The following CDH18 variants were observed in gnomAD, a reference collection of about 807,000 sequenced individuals.
CDH18 encodes the protein cadherin-18.
CDH18 carries 31 observed loss-of-function variants against 67.9 expected under a neutral mutation model. That is an observed-to-expected ratio of 0.46 (90% CI 0.34 to 0.62). The LOEUF (loss-of-function observed/expected upper bound fraction) is 0.62. CDH18 is among the 20% of genes least tolerant of loss of function. The pLI is 0.01. For synonymous variants in CDH18, 362 were observed against 347.2 expected (o/e 1.04, Z -0.48); for missense variants, 890 against 975.5 (o/e 0.91, Z 1.17).
At chr5:20,190,223 A>C (rs1481662369) in intron 2 of CDH18, among the ~76,000 whole-genome samples, 1 of 152,092 alleles carries the variant, frequency 6.6e-6, no homozygotes, top group African/African-American at 2.4e-5. Context: ...GCGTGTGGGC[A>C]TCGTCCTCAA....
chr5:20,289,706 T>C (rs1350861507), intron 1 of CDH18, among the ~76,000 whole-genome samples: 10 of 152,002 alleles, frequency 6.6e-5, no homozygotes, highest in South Asian at 6.2e-4. Flanking sequence ...TATTAAAATA[T>C]ATATTTTAAT....
At chr5:19,961,739 T>A (rs775337119) in intron 2 of CDH18, among the ~76,000 whole-genome samples, 1 of 152,232 alleles carries the variant, frequency 6.6e-6, no homozygotes, top group African/African-American at 2.4e-5. Flanking sequence ...CTCTTAATTT[T>A]AATGTTTCGA....
chr5:20,432,964 A>G (rs947514211), intron 1 of CDH18, among the ~76,000 whole-genome samples: 3 of 148,884 alleles, frequency 2.0e-5, no homozygotes, highest in Non-Finnish European at 4.4e-5. Context: ...TGTATATTTT[A>G]GACAGCATAT....
chr5:20,373,775 G>C (rs1304579175), intron 1 of CDH18, among the ~76,000 whole-genome samples: 1 of 151,800 alleles, frequency 6.6e-6, no homozygotes, highest in Non-Finnish European at 1.5e-5. Flanking sequence ...AGACATTTAA[G>C]GCTAACACAC....
At chr5:19,853,572 C>A (rs952181540) in intron 2 of CDH18, among the ~76,000 whole-genome samples, 2 of 152,066 alleles carry the variant, frequency 1.3e-5, no homozygotes, top group African/African-American at 4.8e-5. Context: ...GGCAAGAAAC[C>A]ACTGAAAGGG....
At chr5:20,005,874 T>C (rs1355475560) in intron 2 of CDH18, among the ~76,000 whole-genome samples, 1 of 152,048 alleles carries the variant, frequency 6.6e-6, no homozygotes, top group Non-Finnish European at 1.5e-5. Flanking sequence ...CATGGATTGA[T>C]TTCTATGATT....
intron 1 of CDH18, among the ~76,000 whole-genome samples, chr5:20,418,603 TG>T (rs1747549135): frequency 6.6e-6 from 1 of 151,818 alleles, no homozygotes; most frequent in South Asian, 2.1e-4. Context: ...TTATTCTTTT[TG>T]TTTAGCCCTT....
chr5:19,676,806 A>C (rs1239646415), intron 5 of CDH18, among the ~76,000 whole-genome samples: 2 of 152,052 alleles, frequency 1.3e-5, no homozygotes, highest in Non-Finnish European at 2.9e-5. Context: ...GGGAAAAATC[A>C]CAAGAAAGGG....
At chr5:19,894,239 A>G (rs142569664) in intron 2 of CDH18, among the ~76,000 whole-genome samples, 143 of 152,172 alleles carry the variant, frequency 9.4e-4, no homozygotes, top group East Asian at 4.3e-3. Context: ...CAGTATTTCA[A>G]TGTAAACATA....
At chr5:20,206,106 CT>C (rs1210186670) in intron 2 of CDH18, among the ~76,000 whole-genome samples, 2 of 151,594 alleles carry the variant, frequency 1.3e-5, no homozygotes, top group Non-Finnish European at 3.0e-5. Context: ...GCTAGACAAA[CT>C]TTAAAAAGAA....
rs376697102 is a variant in CDH18 at position 19,881,505 on chromosome 5, GC to G, written c.-256-42264del. Among the ~76,000 whole-genome samples, 158 of 138,670 alleles carry G rather than the reference GC, an allele frequency of 1.1e-3. 1 individual carries two copies. The highest frequency in any genetic ancestry group is 4.1e-3 in the African/African-American group (154 of 37,508). The allele number at this position is 138,670 out of a possible 152,430, so 91.0% of individuals were successfully genotyped here. Reference sequence around the variant, plus strand: ...CTGACAAATACCCAGCTCTTCAAGTGCTTTTTTTTTTTTTTTTTTTAAGATG... The same window carrying G: ...CTGACAAATACCCAGCTCTTCAAGTGTTTTTTTTTTTTTTTTTTTAAGATG... On this transcript the variant is annotated intron_variant, in intron 2 of 12. Coordinates refer to ENST00000382275, the MANE Select transcript of CDH18 (RefSeq NM_004934.5).
chr5:20,115,297 T>TC (rs1580275991), intron 2 of CDH18, among the ~76,000 whole-genome samples: 1 of 142,832 alleles, frequency 7.0e-6, no homozygotes, highest in African/African-American at 2.6e-5. Flanking sequence ...TTTTTTTTTT[T>TC]GAGACGGAGT....
intron 1 of CDH18, among the ~76,000 whole-genome samples, chr5:20,299,604 C>G (rs1747803764): frequency 6.6e-6 from 1 of 151,670 alleles, no homozygotes; most frequent in Non-Finnish European, 1.5e-5. Flanking sequence ...ACTAAAAATA[C>G]AAAAATTAGC....
intron 4 of CDH18, among the ~76,000 whole-genome samples, chr5:19,742,905 T>C (rs1769419111): frequency 6.6e-6 from 1 of 152,216 alleles, no homozygotes; most frequent in Admixed American, 6.5e-5. Context: ...TTATTATTAG[T>C]CTTCAGTTAG....
chr5:20,312,710 C>T (rs1235512506), intron 1 of CDH18, among the ~76,000 whole-genome samples: 1 of 152,118 alleles, frequency 6.6e-6, no homozygotes, highest in African/African-American at 2.4e-5. Context: ...AATTCATATC[C>T]TTATACTCCC....
intron 1 of CDH18, among the ~76,000 whole-genome samples, chr5:20,463,981 C>T (rs760638315): frequency 7.9e-5 from 12 of 152,058 alleles, no homozygotes; most frequent in Admixed American, 2.6e-4. Context: ...CTGATGGTAT[C>T]ATGAACCTCT....
chr5:20,174,731 A>G (rs1737100111), intron 2 of CDH18, among the ~76,000 whole-genome samples: 1 of 152,158 alleles, frequency 6.6e-6, no homozygotes, highest in South Asian at 2.1e-4. Flanking sequence ...ATGATCGGTA[A>G]ATATGATCCC....
chr5:20,288,767 C>G (rs963788016), intron 1 of CDH18, among the ~76,000 whole-genome samples: 8 of 151,914 alleles, frequency 5.3e-5, no homozygotes, highest in African/African-American at 1.9e-4. Flanking sequence ...GTAACATGCA[C>G]AGGCAGACGG....
At position 20,166,584 on chromosome 5, in the gene CDH18, G is replaced by A. The variant is rs373758556; in HGVS notation, c.-518+88860C>T. 1.5e-3 allele frequency among the ~76,000 whole-genome samples: 233 copies of A among 152,248 alleles called. 1 individual carries two copies. The highest frequency in any genetic ancestry group is 5.4e-3 in the African/African-American group (224 of 41,550). On this transcript the variant is annotated intron_variant, in intron 2 of 14. Coordinates refer to the CDH18 transcript ENST00000507958. ...TGAGTAAGAGTCACCTCGAAAGCAT[G>A]ACAAATTCAGATTCCCAGGTGCCGC...
Sources: allele counts gnomAD v4.1 joint callset (sites outside exome capture counted in the v4.1 genomes callset), GRCh38; gene constraint gnomAD v4.1.1; transcripts MANE v1.5; gene names NCBI Gene and HGNC (gene_info 2026-07-23, HGNC 2026-07-21).